Variants in CALN1 observed in about 807,000 individuals in gnomAD.
CALN1 encodes calcium-binding protein 8.
A neutral mutation model predicts 30.6 loss-of-function variants in CALN1; 17 were observed. The observed-to-expected ratio is 0.56, with a 90% confidence interval of 0.38 to 0.83. The LOEUF (loss-of-function observed/expected upper bound fraction) is 0.83. Among genes scored for constraint, CALN1 ranks in the 40% least tolerant of loss-of-function variants. CALN1 has a pLI of 0.00. For missense variants in CALN1, 291 were observed against 354.9 expected (o/e 0.82, Z 1.45); for synonymous variants, 156 against 131.4 (o/e 1.19, Z -1.28).
chr7:72,286,806 C>T (rs1798108545), intron 2 of CALN1, among the ~76,000 whole-genome samples: 1 of 152,074 alleles, frequency 6.6e-6, no homozygotes, highest in Non-Finnish European at 1.5e-5. Flanking sequence ...GAAGAACTTT[C>T]AAGAAGAAGT....
At chr7:72,287,634 G>A (rs1305188633) in intron 2 of CALN1, among the ~76,000 whole-genome samples, 1 of 151,886 alleles carries the variant, frequency 6.6e-6, no homozygotes, top group African/African-American at 2.4e-5. Flanking sequence ...TTTTAGTAGA[G>A]ATGGGGTTTC....
At chr7:72,093,350 C>T (rs1806000205) in intron 4 of CALN1, among the ~76,000 whole-genome samples, 1 of 152,118 alleles carries the variant, frequency 6.6e-6, no homozygotes, top group Non-Finnish European at 1.5e-5. Flanking sequence ...TTCTAGGAAT[C>T]CAGCACGGTT....
chr7:72,448,073 T>C (rs562563219), upstream of CALN1, among the ~76,000 whole-genome samples: 7 of 151,638 alleles, frequency 4.6e-5, no homozygotes, highest in East Asian at 1.4e-3. Flanking sequence ...CACACATGCC[T>C]GACATACCAC....
At chr7:71,943,528 C>A (rs1004422535) in intron 5 of CALN1, among the ~76,000 whole-genome samples, 2 of 151,874 alleles carry the variant, frequency 1.3e-5, no homozygotes, top group Non-Finnish European at 2.9e-5. Flanking sequence ...GCAACCTCTG[C>A]CTCTGGGGTT....
At chr7:71,862,592 C>G (rs896069439) in intron 5 of CALN1, among the ~76,000 whole-genome samples, 1 of 152,124 alleles carries the variant, frequency 6.6e-6, no homozygotes, top group African/African-American at 2.4e-5. Context: ...TACCCAGTCT[C>G]GGGTATGTCT....
At chr7:72,379,896 T>G (rs1804786353) in intron 2 of CALN1, among the ~76,000 whole-genome samples, 1 of 152,210 alleles carries the variant, frequency 6.6e-6, no homozygotes, top group African/African-American at 2.4e-5. Flanking sequence ...TTTTGGAGAC[T>G]GCTGGCATCA....
rs142298012 is a variant in CALN1 at position 72,253,613 on chromosome 7, T to C, written c.244+25073A>G. 4.2e-3 allele frequency among the ~76,000 whole-genome samples: 638 copies of C among 152,306 alleles called. 6 individuals carry two copies. The highest frequency in any genetic ancestry group is 0.015 in the African/African-American group (612 of 41,570). ...TAAAACCATCAGATCTCATGAAAACTCACTGTCATAAGAACAGCACGGGGG... is the reference window on the plus strand; with the variant it reads ...TAAAACCATCAGATCTCATGAAAACCCACTGTCATAAGAACAGCACGGGGG... On this transcript the variant is annotated intron_variant, in intron 3 of 6. Coordinates refer to ENST00000395275, the MANE Select transcript of CALN1 (RefSeq NM_031468.4).
At chr7:72,405,165 A>G (rs1338409505) in intron 1 of CALN1, among the ~76,000 whole-genome samples, 1 of 152,178 alleles carries the variant, frequency 6.6e-6, no homozygotes, top group Non-Finnish European at 1.5e-5. Flanking sequence ...GGCACTTCCC[A>G]AGGGTTGGGA....
chr7:72,493,391 T>G, the CALN1 span, among the ~76,000 whole-genome samples: 4 of 151,784 alleles, frequency 2.6e-5, no homozygotes, highest in Non-Finnish European at 1.5e-5. Context: ...CGGGCTGGAG[T>G]GCAGTGGTGC....
At chr7:72,453,685 T>C in the CALN1 span, among the ~76,000 whole-genome samples, 3 of 152,190 alleles carry the variant, frequency 2.0e-5, no homozygotes, top group African/African-American at 7.2e-5. Context: ...AAACATCTCA[T>C]GTGGATTTTG....
chr7:72,354,320 T>C (rs1265798689), intron 2 of CALN1, among the ~76,000 whole-genome samples: 4 of 152,172 alleles, frequency 2.6e-5, no homozygotes, highest in Non-Finnish European at 5.9e-5. Flanking sequence ...CAAAAATAAA[T>C]GGAGACCTAT....
intron 1 of CALN1, among the ~76,000 whole-genome samples, chr7:72,424,521 G>A (rs1716976945): frequency 6.6e-6 from 1 of 152,040 alleles, no homozygotes; most frequent in South Asian, 2.1e-4. Context: ...CAAACCATGT[G>A]CCTTGCAAAA....
chr7:72,046,723 A>C (rs1403101793), intron 4 of CALN1, among the ~76,000 whole-genome samples: 1 of 148,464 alleles, frequency 6.7e-6, no homozygotes, highest in East Asian at 2.6e-4. Context: ...AAAAAAAAAA[A>C]AAAAAAAAAA....
In CALN1 at chr7:72,369,202, G is replaced by A. The variant is rs1036728931; in HGVS notation, c.119+34049C>T. On this transcript the variant is annotated intron_variant, in intron 2 of 6. Transcript: ENST00000395275. ...AAGTGTACAATTTATAAGTTGATAA[G>A]TTTTATACCTGTATACACCTGTGAA... is the stretch of plus-strand genomic sequence containing the variant. Among the ~76,000 whole-genome samples, 20 of 151,314 alleles carry A rather than the reference G, an allele frequency of 1.3e-4. No individual in the cohort carries two copies. The Admixed American group carries it at 1.3e-3, about 10-fold the overall frequency.
At chr7:72,074,170 G>A (rs1489225386) in intron 4 of CALN1, among the ~76,000 whole-genome samples, 1 of 152,168 alleles carries the variant, frequency 6.6e-6, no homozygotes, top group Non-Finnish European at 1.5e-5. Context: ...GTCAAAACCA[G>A]CCTTCGGTTG....
intron 2 of CALN1, among the ~76,000 whole-genome samples, chr7:72,338,898 A>G (rs933390221): frequency 2.7e-5 from 4 of 150,498 alleles, no homozygotes; most frequent in African/African-American, 9.8e-5. Flanking sequence ...TATTCATTCT[A>G]ACTTGTTTTT....
At position 71,797,866 on chromosome 7, in the gene CALN1, T is replaced by C. The variant is rs138164806; in HGVS notation, c.659-9964A>G. 3.9e-5 allele frequency among the ~76,000 whole-genome samples: 6 copies of C among 152,258 alleles called. No homozygotes were observed. In the East Asian group the frequency reaches 1.2e-3, roughly 29 times the overall value. On this transcript the variant is annotated intron_variant, in intron 6 of 6. Coordinates refer to ENST00000395275, the MANE Select transcript of CALN1 (RefSeq NM_031468.4). ...CATCGCAAACCAGGTTGACCAGGTG[T>C]CATACCCAAAGATTGTTCTGCAGTA... is the stretch of plus-strand genomic sequence containing the variant.
chr7:72,208,054 T>G (rs552650218), intron 3 of CALN1, among the ~76,000 whole-genome samples: 1 of 152,162 alleles, frequency 6.6e-6, no homozygotes, highest in Non-Finnish European at 1.5e-5. Flanking sequence ...AATCAACCAA[T>G]AAAACAGAGA....
chr7:71,878,386 A>C (rs1433047371), intron 5 of CALN1, among the ~76,000 whole-genome samples: 2 of 150,724 alleles, frequency 1.3e-5, no homozygotes, highest in African/African-American at 4.9e-5. Flanking sequence ...TGGGCAACAG[A>C]GTGAGACCCT....
Sources: allele counts gnomAD v4.1 joint callset (sites outside exome capture counted in the v4.1 genomes callset), GRCh38; gene constraint gnomAD v4.1.1; transcripts MANE v1.5; gene names NCBI Gene and HGNC (gene_info 2026-07-23, HGNC 2026-07-21).